The following CDH22 variants were observed in gnomAD, a reference collection of about 807,000 sequenced individuals.
The protein encoded by CDH22 is cadherin-22.
Under a neutral mutation model 58.4 loss-of-function variants are expected in CDH22, and 30 were observed. The ratio of observed to expected loss-of-function variants is 0.51; its 90% CI spans 0.38 to 0.70. The LOEUF is 0.70. CDH22 is among the 30% of genes least tolerant of loss of function. The probability of loss-of-function intolerance (pLI) is 0.00; values close to 1 mark genes in which losing one functional copy is unlikely to be tolerated. For missense variants in CDH22, 1,014 were observed against 1,233.9 expected (o/e 0.82, Z 2.67); for synonymous variants, 513 against 558.2 (o/e 0.92, Z 1.14).
intron 4 of CDH22, among the ~76,000 whole-genome samples, chr20:46,225,176 G>A (rs960460599): frequency 1.1e-4 from 17 of 152,212 alleles, no homozygotes; most frequent in Non-Finnish European, 2.2e-4. Flanking sequence ...TCGAGATTCC[G>A]AATGCATGTG....
chr20:46,256,068 C>T (rs1488606643), intron 1 of CDH22, among the ~76,000 whole-genome samples: 2 of 152,206 alleles, frequency 1.3e-5, no homozygotes, highest in South Asian at 2.1e-4. Flanking sequence ...CTTCTGTGTG[C>T]GTGCGAACAT....
At chr20:46,193,517 C>T (rs377200317) in intron 8 of CDH22, among the ~76,000 whole-genome samples, 1 of 152,144 alleles carries the variant, frequency 6.6e-6, no homozygotes, top group African/African-American at 2.4e-5. Flanking sequence ...ACACTGGGGA[C>T]CAAACATCTG....
In CDH22 at chr20:46,186,823, T is replaced by A; in HGVS notation, c.1545+3A>T. The A allele has an allele frequency of 6.2e-7, 1 of 1,600,628 alleles. No individual in the cohort carries two copies. The highest frequency in any genetic ancestry group is 8.5e-7 in the Non-Finnish European group (1 of 1,172,650). On this transcript the variant is annotated splice_donor_region_variant and intron_variant, in intron 9 of 11. Coordinates refer to ENST00000537909, the MANE Select transcript of CDH22 (RefSeq NM_021248.3). ...CGCCCAGTCCCCACCCCCTCAGGGG[T>A]ACCTGGCCTGGCTTGGCATCCTCGC...
chr20:46,255,697 C>T (rs1191656514), intron 1 of CDH22, among the ~76,000 whole-genome samples: 3 of 152,228 alleles, frequency 2.0e-5, no homozygotes, highest in Admixed American at 6.5e-5. Flanking sequence ...CTGCCACAGA[C>T]ATGTCGGCCT....
chr20:46,216,846 T>C lies in CDH22; in HGVS notation c.818A>G (p.Asn273Ser). ...VTIVVTDVNDNPPRFPQKMYQ... is the reference protein window; with the variant it reads ...VTIVVTDVNDSPPRFPQKMYQ... ...CTCACTCTGCGGGAAACGGGGCGGG[T>C]TGTCATTGACGTCGGTGACTACGAT... Residue 273 changes from asparagine (N) to serine (S), a missense_variant, in exon 5 of 12, where the codon AAC (asparagine) becomes AGC (serine). Physicochemically the swap from Asn to Ser is conservative, Grantham distance 46. Coordinates refer to ENST00000537909, the MANE Select transcript of CDH22 (RefSeq NM_021248.3). This position sits in a 1 kb window ranked among gnomAD's most constrained non-coding sequence, Gnocchi z 5.3. 1 of 1,600,658 alleles carries C rather than the reference T, an allele frequency of 6.2e-7. No individual in the cohort carries two copies. The highest frequency in any genetic ancestry group is 8.6e-7 in the Non-Finnish European group (1 of 1,169,280).
At chr20:46,278,405 T>TAGAA (rs1745266682) in intron 1 of CDH22, among the ~76,000 whole-genome samples, 1 of 152,126 alleles carries the variant, frequency 6.6e-6, no homozygotes, top group South Asian at 2.1e-4. Flanking sequence ...TCCAGGAGAC[T>TAGAA]AGAACTCCAT....
Position 46,174,565 on chromosome 20 carries a change from G to A in CDH22, c.2428C>T (p.Arg810Trp), listed in dbSNP as rs2085721106. 2 of 1,528,002 alleles carry A rather than the reference G, an allele frequency of 1.3e-6. No homozygotes were observed. Among genetic ancestry groups the A allele is most frequent in the South Asian group, 1.2e-5 (1 of 82,704 alleles). The allele number at this position is 1,528,002 out of a possible 1,614,324, so 94.7% of individuals were successfully genotyped here. A position where few individuals can be genotyped will look rare whatever the true frequency, so the allele number is the denominator to read the frequency against. ...CCGGCGTAGAGCGCGGCCAGGGGCC[G>A]GAAGCGCGGACCCCAGCTGCTGAGA... ...AYLSSWGPRF[R>W]PLAALYAGHR... The change falls in exon 12 of 12, where the codon CGG becomes TGG. Residue 810 changes from arginine to tryptophan, a missense_variant. Arg to Trp is a moderately radical substitution (Grantham distance 101). Transcript: ENST00000537909. This position sits in a 1 kb window ranked among gnomAD's most constrained non-coding sequence, Gnocchi z 4.4.
At chr20:46,246,878 C>A (rs563861980) in intron 2 of CDH22, among the ~76,000 whole-genome samples, 7 of 152,186 alleles carry the variant, frequency 4.6e-5, no homozygotes, top group Non-Finnish European at 8.8e-5. Context: ...GAAGTCCTTT[C>A]TTCCTGAAGA....
intron 1 of CDH22, among the ~76,000 whole-genome samples, chr20:46,307,361 A>G (rs1293406603): frequency 6.6e-6 from 1 of 152,170 alleles, no homozygotes; most frequent in Non-Finnish European, 1.5e-5. Flanking sequence ...ACGGGTCCAC[A>G]CTGTGCCCAC....
chr20:46,283,962 G>A (rs566952193), intron 1 of CDH22, among the ~76,000 whole-genome samples: 19 of 152,286 alleles, frequency 1.2e-4, no homozygotes, highest in African/African-American at 4.3e-4. Flanking sequence ...AACGGCTGTC[G>A]GAAAGGTGGG....
intron 2 of CDH22, among the ~76,000 whole-genome samples, chr20:46,246,665 C>A (rs1047607971): frequency 6.6e-6 from 1 of 152,018 alleles, no homozygotes; most frequent in Admixed American, 6.6e-5. Context: ...CGGGGCCCAG[C>A]GGTTCCTGTG....
intron 10 of CDH22, among the ~76,000 whole-genome samples, chr20:46,181,752 C>CTTTCT (rs1555800218): frequency 0.017 from 455 of 26,262 alleles, 13 homozygotes; most frequent in East Asian, 0.046. Flanking sequence ...TCCTTCCTTC[C>CTTTCT]TTCTTTCTTT....
chr20:46,202,438 C>A (rs2085968167), intron 7 of CDH22, among the ~76,000 whole-genome samples: 1 of 151,598 alleles, frequency 6.6e-6, no homozygotes, highest in East Asian at 1.9e-4. Flanking sequence ...ACTGCAAGCT[C>A]CGCCTCCTGG....
At chr20:46,205,005 C>T (rs985489305) in intron 7 of CDH22, among the ~76,000 whole-genome samples, 3 of 152,104 alleles carry the variant, frequency 2.0e-5, no homozygotes, top group Non-Finnish European at 4.4e-5. Context: ...GCCCAAGCTG[C>T]TCGTGTGTGT....
intron 10 of CDH22, among the ~76,000 whole-genome samples, chr20:46,179,001 C>T (rs921147724): frequency 4.6e-5 from 7 of 152,204 alleles, no homozygotes; most frequent in Non-Finnish European, 7.3e-5. Flanking sequence ...TTCAGCCTGT[C>T]ACCGGGGAAG....
At chr20:46,244,439 T>C (rs1011151365) in intron 2 of CDH22, among the ~76,000 whole-genome samples, 1 of 152,210 alleles carries the variant, frequency 6.6e-6, no homozygotes, top group Non-Finnish European at 1.5e-5. Flanking sequence ...TGCCTCTGGC[T>C]CTGCCCTAGG....
intron 8 of CDH22, among the ~76,000 whole-genome samples, chr20:46,190,218 C>T (rs2085853532): frequency 6.6e-6 from 1 of 152,222 alleles, no homozygotes; most frequent in Admixed American, 6.5e-5. Flanking sequence ...CTTATTATGA[C>T]CTCGTGTCAT....
intron 1 of CDH22, among the ~76,000 whole-genome samples, chr20:46,281,451 A>G (rs1242905247): frequency 2.0e-5 from 2 of 99,532 alleles, no homozygotes; most frequent in East Asian, 8.2e-4. Flanking sequence ...TTGTAAATGG[A>G]AAAAAATCAC....
intron 8 of CDH22, among the ~76,000 whole-genome samples, chr20:46,191,168 C>T (rs182107933): frequency 1.3e-3 from 200 of 152,184 alleles, no homozygotes; most frequent in African/African-American, 3.6e-3. Context: ...GGGGTCTTGC[C>T]TGGTGGGATG....
Sources: allele counts gnomAD v4.1 joint callset (sites outside exome capture counted in the v4.1 genomes callset), GRCh38; gene constraint gnomAD v4.1.1; non-coding constraint Gnocchi (gnomAD v3.1); transcripts MANE v1.5; gene names NCBI Gene and HGNC (gene_info 2026-07-23, HGNC 2026-07-21).